Variants in CCDC33 observed in about 807,000 individuals in gnomAD.
The protein encoded by CCDC33 is coiled-coil domain containing 33.
In CCDC33, 94 loss-of-function variants were observed where a neutral mutation model predicts 91.9. The observed-to-expected ratio is 1.02, with a 90% confidence interval of 0.87 to 1.21. The LOEUF is 1.21. CCDC33 is among the 50% of genes most tolerant of loss of function. The pLI is 0.00. For missense variants in CCDC33, 940 were observed against 935.5 expected (o/e 1.00, Z -0.06); for synonymous variants, 396 against 374.5 (o/e 1.06, Z -0.66).
intron 2 of CCDC33, among the ~76,000 whole-genome samples, chr15:74,249,208 C>G (rs571525931): frequency 9.2e-5 from 14 of 152,044 alleles, no homozygotes. Flanking sequence ...TACTTGAGGC[C>G]GGGTGCAGCG....
chr15:74,304,826 C>A (rs1420179035), intron 11 of CCDC33, among the ~76,000 whole-genome samples: 1 of 152,208 alleles, frequency 6.6e-6, no homozygotes, highest in Non-Finnish European at 1.5e-5. Context: ...ACTCCTCCAG[C>A]CTTGTCCCTC....
chr15:74,312,350 C>G (rs968120607), intron 11 of CCDC33, among the ~76,000 whole-genome samples: 5 of 152,212 alleles, frequency 3.3e-5, no homozygotes, highest in Non-Finnish European at 5.9e-5. Context: ...AGCAGCCGCC[C>G]CAGCCCAGGA....
intron 1 of CCDC33, chr15:74,208,911 C>A: frequency 2.0e-6 from 2 of 990,688 alleles, no homozygotes; most frequent in South Asian, 9.2e-5. Context: ...CAACACGGGG[C>A]CTTCTCCTCT....
upstream of CCDC33, among the ~76,000 whole-genome samples, chr15:74,235,893 T>G (rs1050309595): frequency 3.9e-5 from 6 of 152,192 alleles, no homozygotes; most frequent in Non-Finnish European, 8.8e-5. Flanking sequence ...TCTTACCCTC[T>G]TCTCTCCCCG....
At chr15:74,213,757 G>A (rs2074389820), upstream of CCDC33, among the ~76,000 whole-genome samples, 1 of 152,206 alleles carries the variant, frequency 6.6e-6, no homozygotes, top group South Asian at 2.1e-4. Context: ...TGGACTTGAA[G>A]GGAAGGGAGT....
intron 2 of CCDC33, among the ~76,000 whole-genome samples, chr15:74,219,373 G>A (rs192097497): frequency 6.4e-4 from 97 of 152,344 alleles, no homozygotes; most frequent in Admixed American, 1.2e-3. Context: ...TAGGCCTCAC[G>A]CCAGCACAGA....
At chr15:74,232,630 G>A (rs2075015164), upstream of CCDC33, among the ~76,000 whole-genome samples, 1 of 152,198 alleles carries the variant, frequency 6.6e-6, no homozygotes, top group African/African-American at 2.4e-5. Flanking sequence ...TAGGCAGTGT[G>A]ATTTTATAGC....
intron 11 of CCDC33, chr15:74,303,900 C>G (rs930983929): frequency 6.6e-6 from 1 of 152,340 alleles, no homozygotes; most frequent in African/African-American, 2.4e-5. Flanking sequence ...GTCCCTCCCC[C>G]AACTCTGACC....
In CCDC33 at chr15:74,316,884, G is replaced by T. The variant is rs755754018; in HGVS notation, c.1291-13305G>T. On this transcript the variant is annotated intron_variant, in intron 11 of 18. Coordinates refer to ENST00000398814, the MANE Select transcript of CCDC33 (RefSeq NM_025055.5). The surrounding 1 kb of genome is among the most constrained non-coding windows in gnomAD (Gnocchi z 4.7). ...CAGTGATGCACTCCATTTTACAGAG[G>T]AGAAAACAGGCTTAGAGAGGTTAAG... 1.5e-4 allele frequency among the ~76,000 whole-genome samples: 23 copies of T among 152,178 alleles called. No individual in the cohort carries two copies. Among genetic ancestry groups the T allele is most frequent in the Non-Finnish European group, 2.8e-4 (19 of 68,028 alleles).
chr15:74,278,265 C>T (rs529371656), intron 7 of CCDC33, among the ~76,000 whole-genome samples: 81 of 152,160 alleles, frequency 5.3e-4, no homozygotes, highest in Middle Eastern at 6.8e-3. Context: ...TCATCAGCAC[C>T]CTGCCACTGT....
rs754633800 is a variant in CCDC33, at chr15:74,272,822, A to G, written c.690A>G (p.Pro230=). Residue 230 remains proline (P), a synonymous_variant, in exon 7 of 19, where the codon CCA becomes CCG. Coordinates refer to ENST00000398814, the MANE Select transcript of CCDC33 (RefSeq NM_025055.5). The part of the protein sequence containing the change: ...DLASVGLPIT[P]LSFPIPSMMN... ...CCTCTGTGGGGCTGCCCATCACCCC[A>G]CTGTCCTTCCCTATCCCGTCCATGA... The G allele has an allele frequency of 1.1e-5, 17 of 1,614,010 alleles. No individual in the cohort carries two copies. The African/African-American group carries it at 2.1e-4, about 20-fold the overall frequency.
At chr15:74,217,687 C>T in intron 1 of CCDC33, 1 of 904,810 alleles carries the variant, frequency 1.1e-6, no homozygotes, top group South Asian at 1.8e-5. Context: ...AGGGTGGGGT[C>T]AGAGCTCCAG....
intron 2 of CCDC33, among the ~76,000 whole-genome samples, chr15:74,222,163 G>A (rs575168695): frequency 3.3e-5 from 5 of 152,324 alleles, no homozygotes; most frequent in African/African-American, 1.2e-4. Context: ...GCTCTCAGAG[G>A]CCACAACGCT....
intron 10 of CCDC33, among the ~76,000 whole-genome samples, chr15:74,288,939 T>A (rs1246842846): frequency 6.6e-6 from 1 of 152,204 alleles, no homozygotes; most frequent in East Asian, 1.9e-4. Context: ...GAAGATTGAA[T>A]GAGGAAGCAT....
intron 10 of CCDC33, among the ~76,000 whole-genome samples, chr15:74,295,501 A>G: frequency 6.6e-6 from 1 of 152,076 alleles, no homozygotes; most frequent in Non-Finnish European, 1.5e-5. Flanking sequence ...ATCCCTGAGG[A>G]CCTCCAGGAA....
chr15:74,297,100 G>T (rs1002372040), intron 11 of CCDC33, among the ~76,000 whole-genome samples: 3 of 152,180 alleles, frequency 2.0e-5, no homozygotes, highest in African/African-American at 7.2e-5. Context: ...AGGAAGGCTG[G>T]CTGTCTGCTG....
intron 5 of CCDC33, 122 bp downstream of exon 5, chr15:74,268,580 A>G: frequency 1.4e-6 from 1 of 700,570 alleles, no homozygotes; most frequent in South Asian, 1.7e-5. Context: ...CAGAGATGTC[A>G]AGAATGGAAA....
At position 74,265,741 on chromosome 15, in the gene CCDC33, C is replaced by T. The variant is rs59557889; in HGVS notation, c.320-937C>T. Among the ~76,000 whole-genome samples, 1,476 of 152,312 alleles carry T rather than the reference C, an allele frequency of 9.7e-3. 20 individuals are homozygous for T. The highest frequency in any genetic ancestry group is 0.033 in the African/African-American group (1,392 of 41,564). ...TTGGTGTTCTTCTTAAAGTTTTTACCGGCCGGGTGCGGTGGCCCATGCCTG... is the reference window on the plus strand; with the variant it reads ...TTGGTGTTCTTCTTAAAGTTTTTACTGGCCGGGTGCGGTGGCCCATGCCTG... On this transcript the variant is annotated intron_variant, in intron 3 of 18. Coordinates refer to ENST00000398814, the MANE Select transcript of CCDC33 (RefSeq NM_025055.5).
chr15:74,203,138 G>A, intron 1 of CCDC33: 3 of 985,570 alleles, frequency 3.0e-6, no homozygotes, highest in Non-Finnish European at 3.6e-6. Flanking sequence ...GCGGAGGCAG[G>A]GAAGGGGAAT....
Sources: gnomAD v4.1 joint callset for allele counts (sites outside exome capture counted in the v4.1 genomes callset) on GRCh38, gnomAD v4.1.1 for gene constraint, Gnocchi (gnomAD v3.1) non-coding constraint, MANE v1.5 for transcripts, NCBI Gene and HGNC (gene_info 2026-07-23, HGNC 2026-07-21) for gene names.